Variants in PTBP3 observed in about 807,000 individuals in gnomAD.
The protein encoded by PTBP3 is polypyrimidine tract-binding protein 3.
In PTBP3, 20 loss-of-function variants were observed where a neutral mutation model predicts 58.7. The ratio of observed to expected loss-of-function variants is 0.34; its 90% CI spans 0.24 to 0.50. The LOEUF (loss-of-function observed/expected upper bound fraction) is 0.50. Among genes scored for constraint, PTBP3 ranks in the 20% least tolerant of loss-of-function variants. PTBP3 has a pLI of 0.98. For missense variants in PTBP3, 509 were observed against 637.2 expected (o/e 0.80, Z 2.17); for synonymous variants, 185 against 219.8 (o/e 0.84, Z 1.40).
intron 7 of PTBP3, among the ~76,000 whole-genome samples, chr9:112,249,652 G>T (rs1300727377): frequency 1.3e-5 from 2 of 151,948 alleles, no homozygotes; most frequent in Non-Finnish European, 2.9e-5. Context: ...GAAAGGATAT[G>T]AACATTCTGA....
intron 3 of PTBP3, among the ~76,000 whole-genome samples, chr9:112,275,622 G>A (rs537090823): frequency 1.3e-5 from 2 of 152,042 alleles, no homozygotes; most frequent in South Asian, 4.2e-4. Context: ...TGTGTCTTAA[G>A]AAGAAAAAAC....
chr9:112,306,473 A>C (rs1256010494), intron 1 of PTBP3, among the ~76,000 whole-genome samples: 3 of 146,552 alleles, frequency 2.0e-5, no homozygotes, highest in Non-Finnish European at 4.5e-5. Context: ...AAAAAAAAAC[A>C]CTATTCTTAA....
chr9:112,379,845 G>GTT, the PTBP3 span: 1 of 514,784 alleles, frequency 1.9e-6, no homozygotes, highest in South Asian at 2.4e-5. Context: ...CCAGACGCTA[G>GTT]GCGCCGACAG....
the PTBP3 span, among the ~76,000 whole-genome samples, chr9:112,350,449 C>T: frequency 2.0e-5 from 3 of 152,098 alleles, no homozygotes; most frequent in Non-Finnish European, 4.4e-5. Context: ...CATTCTTCCA[C>T]GCCCAGTACC....
Position 112,222,975 on chromosome 9 carries a change from T to A in PTBP3, c.*876A>T, listed in dbSNP as rs1226144630. The A allele has an allele frequency of 3.5e-6, 3 of 852,998 alleles. No individual in the cohort carries two copies. Among genetic ancestry groups the A allele is most frequent in the Non-Finnish European group, 4.2e-6 (3 of 709,132 alleles). 52.8% of individuals were successfully genotyped at this position (852,998 alleles called of 1,614,324 possible). The stretch of plus-strand genomic sequence containing the variant: ...GAATATTTTCCTTAAGACTGTAAAC[T>A]TTTTTTCTGAAAACAATTATAAAAA... On this transcript the variant is annotated 3_prime_UTR_variant, in exon 14 of 14. Coordinates refer to ENST00000374257, the MANE Select transcript of PTBP3 (RefSeq NM_001163788.4).
Position 112,276,487 on chromosome 9 carries a change from A to C in PTBP3, c.35-474T>G, listed in dbSNP as rs1488345371. 4.6e-5 allele frequency among the ~76,000 whole-genome samples: 7 copies of C among 152,200 alleles called. No homozygotes were observed. The East Asian group carries it at 1.2e-3, about 26-fold the overall frequency. On this transcript the variant is annotated intron_variant, in intron 2 of 13. Transcript: ENST00000374257. ...TATGGATTTGAATTGTATATTTATT[A>C]AAATAAAGTTTATTTCTTGGGTGCT...
chr9:112,279,930 ATAAT>A (rs1564429197), intron 2 of PTBP3, among the ~76,000 whole-genome samples: 2 of 152,252 alleles, frequency 1.3e-5, no homozygotes, highest in East Asian at 3.9e-4. Context: ...ATTTTTTGTC[ATAAT>A]TAATAATTGA....
At chr9:112,353,269 A>T in the PTBP3 span, among the ~76,000 whole-genome samples, 3 of 152,118 alleles carry the variant, frequency 2.0e-5, no homozygotes, top group East Asian at 5.8e-4. Context: ...ACCAGCCCGT[A>T]ACATGATTCT....
At chr9:112,350,582 G>A in the PTBP3 span, among the ~76,000 whole-genome samples, 1 of 151,988 alleles carries the variant, frequency 6.6e-6, no homozygotes, top group Admixed American at 6.6e-5. Context: ...AAAATTTCCG[G>A]GGAAGATGGT....
At position 112,229,294 on chromosome 9, in the gene PTBP3, T is replaced by C. The variant is rs990070528; in HGVS notation, c.1055-822A>G. On this transcript the variant is annotated intron_variant, in intron 10 of 13. Transcript: ENST00000374257. Reference sequence around the variant, plus strand: ...AATAAGATCTTTCAGCAGGGCACAGTGGCTCACACCTATAATCCCAGCACT... The same window carrying C: ...AATAAGATCTTTCAGCAGGGCACAGCGGCTCACACCTATAATCCCAGCACT... Among the ~76,000 whole-genome samples the C allele has an allele frequency of 1.6e-4, 24 of 152,206 alleles. 1 individual carries two copies. Among genetic ancestry groups the C allele is most frequent in the Admixed American group, 1.6e-3 (24 of 15,268 alleles).
chr9:112,302,389 A>G (rs1828974268), intron 1 of PTBP3, among the ~76,000 whole-genome samples: 1 of 137,696 alleles, frequency 7.3e-6, no homozygotes, highest in South Asian at 2.6e-4. Context: ...CATCCAAACA[A>G]GTTACCTGCT....
At chr9:112,252,458 T>C (rs1836165269) in intron 6 of PTBP3, 12 of 517,580 alleles carry the variant, frequency 2.3e-5, no homozygotes, top group South Asian at 6.6e-5. Flanking sequence ...GTCTCAGAGA[T>C]GTGAGAGGTG....
chr9:112,246,776 C>G (rs1331342396), intron 7 of PTBP3, among the ~76,000 whole-genome samples: 1 of 151,400 alleles, frequency 6.6e-6, no homozygotes, highest in Non-Finnish European at 1.5e-5. Context: ...AAATTCGTTA[C>G]AAAGGGAAGA....
chr9:112,249,363 G>A (rs1293172777), intron 7 of PTBP3, among the ~76,000 whole-genome samples: 1 of 152,026 alleles, frequency 6.6e-6, no homozygotes, highest in Non-Finnish European at 1.5e-5. Flanking sequence ...CTAAAAGTAA[G>A]GACATAGTGC....
At chr9:112,245,136 C>T (rs1002248281) in intron 7 of PTBP3, among the ~76,000 whole-genome samples, 1 of 152,160 alleles carries the variant, frequency 6.6e-6, no homozygotes, top group Admixed American at 6.5e-5. Flanking sequence ...TGGCAAAACC[C>T]TGTCTCTACA....
the PTBP3 span, among the ~76,000 whole-genome samples, chr9:112,362,353 T>C: frequency 6.6e-6 from 1 of 152,064 alleles, no homozygotes; most frequent in African/African-American, 2.4e-5. Context: ...TTTAGTTGGG[T>C]TGTTCATTTT....
At chr9:112,226,064 A>T (rs923875289) in intron 12 of PTBP3, among the ~76,000 whole-genome samples, 5 of 152,108 alleles carry the variant, frequency 3.3e-5, no homozygotes, top group East Asian at 1.9e-4. Context: ...ATATTAATTT[A>T]AAAAAATTAA....
intron 2 of PTBP3, 126 bp downstream of exon 2, chr9:112,297,706 G>T: frequency 1.4e-6 from 1 of 714,286 alleles, no homozygotes; most frequent in Non-Finnish European, 2.2e-6. Context: ...GTACTTTACC[G>T]AAACAAATTT....
intron 1 of PTBP3, among the ~76,000 whole-genome samples, chr9:112,327,878 T>G (rs1830222017): frequency 6.6e-6 from 1 of 151,840 alleles, no homozygotes; most frequent in South Asian, 2.1e-4. Flanking sequence ...ATGTGACAAT[T>G]TGGCATTCAT....
Sources: allele counts gnomAD v4.1 joint callset (sites outside exome capture counted in the v4.1 genomes callset), GRCh38; gene constraint gnomAD v4.1.1; transcripts MANE v1.5; gene names NCBI Gene and HGNC (gene_info 2026-07-23, HGNC 2026-07-21).